Variants in EYA1 observed in about 807,000 individuals in gnomAD.
EYA1 encodes protein phosphatase EYA1.
Under a neutral mutation model 82.0 loss-of-function variants are expected in EYA1, and 16 were observed. The ratio of observed to expected loss-of-function variants is 0.20; its 90% confidence interval spans 0.13 to 0.30. The LOEUF (loss-of-function observed/expected upper bound fraction) is 0.30. Among genes scored for constraint, EYA1 ranks in the 10% least tolerant of loss-of-function variants. The probability of loss-of-function intolerance (pLI) is 1.00; values close to 1 mark genes in which losing one functional copy is unlikely to be tolerated. For synonymous variants in EYA1, 261 were observed against 264.4 expected, an observed-to-expected ratio of 0.99 and a Z score of 0.12; for missense variants, 633 against 730.7, an observed-to-expected ratio of 0.87 and a Z score of 1.54.
At chr8:71,494,197 T>C (rs1811242819) in intron 2 of EYA1, among the ~76,000 whole-genome samples, 1 of 152,146 alleles carries the variant, frequency 6.6e-6, no homozygotes, top group Non-Finnish European at 1.5e-5. Context: ...TCTGACTTTG[T>C]ACATCTGAAA....
At chr8:71,266,677 C>G (rs776719256) in intron 11 of EYA1, among the ~76,000 whole-genome samples, 1 of 152,078 alleles carries the variant, frequency 6.6e-6, no homozygotes, top group Admixed American at 6.5e-5. Context: ...CTAATCTGTG[C>G]AATGTTGACT....
intron 2 of EYA1, among the ~76,000 whole-genome samples, chr8:71,525,205 C>T (rs549449304): frequency 6.6e-6 from 1 of 152,320 alleles, no homozygotes; most frequent in African/African-American, 2.4e-5. Context: ...CCCACTCTCC[C>T]TCCTCTACCC....
intron 3 of EYA1, among the ~76,000 whole-genome samples, chr8:71,344,204 A>G (rs1825464973): frequency 6.6e-6 from 1 of 152,190 alleles, no homozygotes; most frequent in Non-Finnish European, 1.5e-5. Flanking sequence ...TTCAACAGAT[A>G]CATATTATAT....
chr8:71,251,466 T>C (rs1438306368), intron 11 of EYA1, among the ~76,000 whole-genome samples: 1 of 152,148 alleles, frequency 6.6e-6, no homozygotes, highest in African/African-American at 2.4e-5. Context: ...CCGAAATTAT[T>C]TGGATATGAT....
Position 71,406,780 on chromosome 8 carries a change from G to A in EYA1, c.34-50269C>T, listed in dbSNP as rs1347362062. Among the ~76,000 whole-genome samples the A allele has an allele frequency of 4.5e-3, 666 of 148,638 alleles. 2 individuals are homozygous for A. The highest frequency in any genetic ancestry group is 6.1e-3 in the Non-Finnish European group (403 of 66,576). Reference sequence around the variant, plus strand: ...GCAGTCTGAGATCAAACTGCAAGGCGGCAGCGAGGCTGGGGGAGGGGCGCC... The same window carrying A: ...GCAGTCTGAGATCAAACTGCAAGGCAGCAGCGAGGCTGGGGGAGGGGCGCC... On this transcript the variant is annotated intron_variant, in intron 2 of 18. Transcript: ENST00000643681.
chr8:71,469,582 G>A (rs1277819885), intron 2 of EYA1, among the ~76,000 whole-genome samples: 1 of 152,100 alleles, frequency 6.6e-6, no homozygotes, highest in East Asian at 1.9e-4. Flanking sequence ...TGTAAAATCA[G>A]TTGTATGTGT....
intron 2 of EYA1, among the ~76,000 whole-genome samples, chr8:71,447,553 T>C (rs1257154456): frequency 2.6e-5 from 4 of 152,192 alleles, no homozygotes; most frequent in African/African-American, 7.2e-5. Flanking sequence ...TCTAATTATA[T>C]TGATTTAAGT....
intron 12 of EYA1, among the ~76,000 whole-genome samples, chr8:71,239,616 A>C (rs1812239086): frequency 6.6e-6 from 1 of 152,194 alleles, no homozygotes; most frequent in Non-Finnish European, 1.5e-5. Context: ...GTACATATAC[A>C]TAGGGACCCT....
intron 2 of EYA1, among the ~76,000 whole-genome samples, chr8:71,502,164 C>T (rs903503821): frequency 6.6e-6 from 1 of 152,138 alleles, no homozygotes; most frequent in Non-Finnish European, 1.5e-5. Flanking sequence ...AATGCAATAC[C>T]AGATCACTTC....
intron 1 of EYA1, among the ~76,000 whole-genome samples, chr8:71,539,872 A>G (rs541186382): frequency 1.3e-5 from 2 of 152,236 alleles, no homozygotes; most frequent in African/African-American, 4.8e-5. Flanking sequence ...AGATTTAGGT[A>G]CTGATCTAAC....
chr8:71,232,480 C>T (rs1359979865), intron 12 of EYA1, among the ~76,000 whole-genome samples: 1 of 152,160 alleles, frequency 6.6e-6, no homozygotes, highest in African/African-American at 2.4e-5. Flanking sequence ...TTACACGAAG[C>T]CAGCATCCTC....
intron 9 of EYA1, among the ~76,000 whole-genome samples, chr8:71,286,258 C>T (rs539712993): frequency 1.3e-5 from 2 of 152,214 alleles, no homozygotes; most frequent in African/African-American, 4.8e-5. Flanking sequence ...CCTCACAGAA[C>T]TGCTCACTGA....
At chr8:71,388,632 C>T (rs897616749) in intron 2 of EYA1, among the ~76,000 whole-genome samples, 10 of 152,008 alleles carry the variant, frequency 6.6e-5, no homozygotes, top group African/African-American at 2.2e-4. Context: ...CATATTATTC[C>T]ATCTTCTAAT....
At chr8:71,448,337 A>G (rs1361405005) in intron 2 of EYA1, among the ~76,000 whole-genome samples, 2 of 152,216 alleles carry the variant, frequency 1.3e-5, no homozygotes, top group South Asian at 4.1e-4. Context: ...CCCTCTCAAG[A>G]AACCACTTTC....
intron 17 of EYA1, among the ~76,000 whole-genome samples, chr8:71,209,674 G>A (rs1196549445): frequency 6.6e-6 from 1 of 151,966 alleles, no homozygotes; most frequent in Non-Finnish European, 1.5e-5. Context: ...TGCTGTTTCT[G>A]GTATATGCTG....
intron 2 of EYA1, among the ~76,000 whole-genome samples, chr8:71,516,815 C>T (rs1813009617): frequency 6.6e-6 from 1 of 152,108 alleles, no homozygotes; most frequent in South Asian, 2.1e-4. Flanking sequence ...GCCAACCCTT[C>T]CCTACTCAGT....
chr8:71,232,367 C>T (rs1375433862), intron 12 of EYA1, among the ~76,000 whole-genome samples: 1 of 152,224 alleles, frequency 6.6e-6, no homozygotes, highest in East Asian at 1.9e-4. Context: ...CGCTGCATGC[C>T]GTGACACCAC....
intron 2 of EYA1, among the ~76,000 whole-genome samples, chr8:71,493,955 G>A (rs1212001583): frequency 4.4e-5 from 6 of 135,794 alleles, no homozygotes; most frequent in South Asian, 2.5e-4. Flanking sequence ...CCCGGGAGGC[G>A]GAGCTTGCAG....
intron 2 of EYA1, among the ~76,000 whole-genome samples, chr8:71,407,078 G>A (rs1830290987): frequency 9.3e-6 from 1 of 107,504 alleles, no homozygotes; most frequent in Non-Finnish European, 2.1e-5. Context: ...TGACCCCCGA[G>A]CAGCCTAACT....
Sources: gnomAD v4.1 joint callset for allele counts (sites outside exome capture counted in the v4.1 genomes callset) on GRCh38, gnomAD v4.1.1 for gene constraint, MANE v1.5 for transcripts, NCBI Gene and HGNC (gene_info 2026-07-23, HGNC 2026-07-21) for gene names.